Variants in HERC4 observed in about 807,000 individuals in gnomAD.
HERC4 encodes the protein HECT and RLD domain containing E3 ubiquitin protein ligase 4, also known as probable E3 ubiquitin-protein ligase HERC4.
HERC4 carries 28 observed loss-of-function variants against 124.3 expected under a neutral mutation model. The ratio of observed to expected loss-of-function variants is 0.23; its 90% CI spans 0.17 to 0.31. The LOEUF (loss-of-function observed/expected upper bound fraction) is 0.31. Among genes scored for constraint, HERC4 ranks in the 10% least tolerant of loss-of-function variants. The pLI, the probability that HERC4 is intolerant of heterozygous loss-of-function variation, is 1.00. For missense variants in HERC4, 713 were observed against 1,229.3 expected (o/e 0.58, Z 6.28); for synonymous variants, 407 against 421.5 (o/e 0.97, Z 0.42).
At chr10:68,012,121 A>C (rs2037992374) in intron 9 of HERC4, among the ~76,000 whole-genome samples, 2 of 152,158 alleles carry the variant, frequency 1.3e-5, no homozygotes, top group Non-Finnish European at 2.9e-5. Flanking sequence ...GAGAGTTAGA[A>C]TCTTGGTCTG....
intron 22 of HERC4, among the ~76,000 whole-genome samples, chr10:67,935,257 T>C (rs1361855521): frequency 6.6e-6 from 1 of 152,090 alleles, no homozygotes. Context: ...GAGACTCTTC[T>C]GCCTCAGCCT....
chr10:67,965,990 A>G (rs538884302), intron 16 of HERC4: 11 of 152,376 alleles, frequency 7.2e-5, no homozygotes, highest in Admixed American at 5.2e-4. Flanking sequence ...GCTGCATAAA[A>G]AGATGTACGC....
In HERC4 at chr10:68,039,684, A is replaced by G. The variant is rs542840169; in HGVS notation, c.387-1515T>C. 1.2e-5 allele frequency: 17 copies of G among 1,363,290 alleles called. No individual in the cohort carries two copies. The South Asian group carries it at 1.8e-4, about 15-fold the overall frequency. The allele number at this position is 1,363,290 out of a possible 1,614,324, so 84.4% of individuals were successfully genotyped here. ...AAATTTTCAAACTCAACAAAATGCCATTTCTTTGAAATAGCAAAATCAAAC... is the reference window on the plus strand; with the variant it reads ...AAATTTTCAAACTCAACAAAATGCCGTTTCTTTGAAATAGCAAAATCAAAC... On this transcript the variant is annotated intron_variant, in intron 4 of 24. Coordinates refer to ENST00000373700, the MANE Select transcript of HERC4 (RefSeq NM_015601.4).
intron 15 of HERC4, among the ~76,000 whole-genome samples, chr10:67,980,994 A>G (rs1297540146): frequency 6.6e-6 from 1 of 152,020 alleles, no homozygotes; most frequent in African/African-American, 2.4e-5. Context: ...AAAGGAAGAG[A>G]AAACTGCAAA....
At chr10:68,022,165 C>G (rs2038663518) in intron 8 of HERC4, among the ~76,000 whole-genome samples, 1 of 152,142 alleles carries the variant, frequency 6.6e-6, no homozygotes, top group South Asian at 2.1e-4. Context: ...TGGTCATGGA[C>G]TGGAAGACAA....
chr10:67,967,396 GTA>G, intron 15 of HERC4, among the ~76,000 whole-genome samples: 1 of 152,128 alleles, frequency 6.6e-6, no homozygotes, highest in South Asian at 2.1e-4. Context: ...ACTGTATACG[GTA>G]TATATAAACT....
intron 19 of HERC4, among the ~76,000 whole-genome samples, chr10:67,948,954 T>A (rs916993706): frequency 1.4e-5 from 2 of 147,348 alleles, no homozygotes; most frequent in Admixed American, 6.8e-5. Context: ...ATACAATTTT[T>A]AAAAAGAATT....
Position 68,059,634 on chromosome 10 carries a change from A to T in HERC4, c.226+13249T>A, listed in dbSNP as rs1351679077. Among the ~76,000 whole-genome samples, 5 of 82,060 alleles carry T rather than the reference A, an allele frequency of 6.1e-5. 1 individual carries two copies. The highest frequency in any genetic ancestry group is 7.7e-5 in the Non-Finnish European group (4 of 52,142). The allele number at this position is 82,060 out of a possible 152,430, so 53.8% of individuals were successfully genotyped here. The stretch of plus-strand genomic sequence containing the variant: ...ATATATCATAATATTATATATCATA[A>T]TATTATATATTATATTATATATCAT... On this transcript the variant is annotated intron_variant, in intron 3 of 24. Transcript: ENST00000373700.
chr10:68,022,227 TG>T (rs1410151078), intron 8 of HERC4, among the ~76,000 whole-genome samples: 1 of 151,988 alleles, frequency 6.6e-6, no homozygotes, highest in African/African-American at 2.4e-5. Context: ...CGGCCAGGTG[TG>T]GGGGCTCACG....
Position 68,044,460 on chromosome 10 carries a change from G to A in HERC4, c.330C>T (p.Leu110=), listed in dbSNP as rs752263167. Residue 110 remains leucine (L), a synonymous_variant, in exon 4 of 25, where the codon CTC becomes CTT. Coordinates refer to ENST00000373700, the MANE Select transcript of HERC4 (RefSeq NM_015601.4). ...CCAGGCCAAGCTGTCCATCAGAATCGAGACCCCAAGCATACACCTGGCCTT... is the reference window on the plus strand; with the variant it reads ...CCAGGCCAAGCTGTCCATCAGAATCAAGACCCCAAGCATACACCTGGCCTT... ...NDKGQVYAWG[L]DSDGQLGLVG... is the part of the protein sequence containing the mutation. 16 of 1,613,894 alleles carry A rather than the reference G, an allele frequency of 9.9e-6. No individual in the cohort carries two copies. Among genetic ancestry groups the A allele is most frequent in the Middle Eastern group, 1.6e-4 (1 of 6,084 alleles).
At chr10:68,063,127 ATT>A (rs146338188) in intron 3 of HERC4, among the ~76,000 whole-genome samples, 14,379 of 152,078 alleles carry the variant, frequency 0.095, 910 homozygotes, top group Middle Eastern at 0.19. Flanking sequence ...TTATTTGTGC[ATT>A]TGTTTTCTAT....
At chr10:68,066,082 A>G (rs947140680) in intron 3 of HERC4, among the ~76,000 whole-genome samples, 3 of 152,156 alleles carry the variant, frequency 2.0e-5, no homozygotes, top group African/African-American at 4.8e-5. Context: ...AACATTATCC[A>G]AGCCCAAATA....
intron 16 of HERC4, 144 bp downstream of exon 16, chr10:67,966,539 C>G: frequency 1.4e-6 from 1 of 690,260 alleles, no homozygotes; most frequent in Non-Finnish European, 2.3e-6. Context: ...TATAGCACTC[C>G]TTTGCAATGT....
chr10:68,042,280 T>C (rs2039808961), intron 4 of HERC4, among the ~76,000 whole-genome samples: 1 of 152,210 alleles, frequency 6.6e-6, no homozygotes, highest in South Asian at 2.1e-4. Flanking sequence ...GTGCTGGGAT[T>C]ACAGGCGTGA....
chr10:67,984,505 T>G (rs531815453), intron 15 of HERC4, among the ~76,000 whole-genome samples: 1 of 151,726 alleles, frequency 6.6e-6, no homozygotes, highest in Non-Finnish European at 1.5e-5. Context: ...GGAAGGGTAG[T>G]GGGGAGGCAG....
At chr10:68,048,023 A>G (rs1248805541) in intron 3 of HERC4, among the ~76,000 whole-genome samples, 1 of 151,898 alleles carries the variant, frequency 6.6e-6, no homozygotes, top group Non-Finnish European at 1.5e-5. Context: ...GGCTCAAGCA[A>G]TCCTCCCACC....
chr10:68,009,935 C>CT (rs889257530), intron 9 of HERC4, among the ~76,000 whole-genome samples: 2 of 152,064 alleles, frequency 1.3e-5, no homozygotes, highest in East Asian at 1.9e-4. Context: ...GAGTATTTTT[C>CT]TTTTTTTTCT....
intron 9 of HERC4, among the ~76,000 whole-genome samples, chr10:68,005,750 C>A (rs1049201439): frequency 6.6e-6 from 1 of 152,052 alleles, no homozygotes; most frequent in African/African-American, 2.4e-5. Context: ...ACTGCCCACA[C>A]TGAAGTGCAG....
intron 7 of HERC4, among the ~76,000 whole-genome samples, chr10:68,031,724 T>C (rs1029440583): frequency 1.3e-5 from 2 of 152,164 alleles, no homozygotes; most frequent in African/African-American, 4.8e-5. Context: ...AGAAATATAA[T>C]GTAGAATTTT....
Sources: gnomAD v4.1 joint callset for allele counts (sites outside exome capture counted in the v4.1 genomes callset) on GRCh38, gnomAD v4.1.1 for gene constraint, MANE v1.5 for transcripts, NCBI Gene and HGNC (gene_info 2026-07-23, HGNC 2026-07-21) for gene names.